Variants in KIAA1210 observed in about 807,000 individuals in gnomAD.
KIAA1210 encodes acrosomal protein KIAA1210.
In KIAA1210, 48 loss-of-function variants were observed where a neutral mutation model predicts 78.9. The ratio of observed to expected loss-of-function variants is 0.61; its 90% confidence interval spans 0.48 to 0.77. KIAA1210 has a LOEUF of 0.77. Among genes scored for constraint, KIAA1210 ranks in the 30% least tolerant of loss-of-function variants. The pLI, the probability that KIAA1210 is intolerant of heterozygous loss-of-function variation, is 0.00. For synonymous variants in KIAA1210, 406 were observed against 404.5 expected, an observed-to-expected ratio of 1.00 and a Z score of -0.04; for missense variants, 1,108 against 1,100.0, an observed-to-expected ratio of 1.01 and a Z score of -0.10.
intron 2 of KIAA1210, among the ~76,000 whole-genome samples, chrX:119,122,321 C>T (rs1053973378): frequency 3.7e-5 from 4 of 108,294 alleles, no homozygotes; most frequent in East Asian, 3.0e-4. Context: ...CCAGCCACCT[C>T]GGCCTCCCAA....
intron 1 of KIAA1210, among the ~76,000 whole-genome samples, chrX:119,148,189 G>A (rs1244985025): frequency 9.0e-6 from 1 of 111,197 alleles, no homozygotes; most frequent in Non-Finnish European, 1.9e-5. Flanking sequence ...TTTGCCTTAG[G>A]CTGAATTGAC....
In KIAA1210 at chrX:119,104,974, C is replaced by T; in HGVS notation, c.648+18G>A. 1 of 1,199,397 alleles carries T rather than the reference C, an allele frequency of 8.3e-7. No individual in the cohort carries two copies. The highest frequency in any genetic ancestry group is 1.1e-6 in the Non-Finnish European group (1 of 889,077). ...TGATCTGTGAGGCCCCTCAACCTGT[C>T]CCTTAATATATACTCACCTGAGTCG... is the stretch of plus-strand genomic sequence containing the variant. On this transcript the variant is annotated intron_variant, in intron 6 of 11. Transcript: ENST00000691062.
chrX:119,093,042 A>G (rs1927435718), intron 8 of KIAA1210, among the ~76,000 whole-genome samples: 1 of 111,499 alleles, frequency 9.0e-6, no homozygotes, highest in Non-Finnish European at 1.9e-5. Context: ...AACTGGAGCC[A>G]ACATCCACAT....
chrX:119,093,967 C>T (rs772978122), intron 7 of KIAA1210, 192 bp from the exon 8 acceptor site: 1 of 1,053,729 alleles, frequency 9.5e-7, no homozygotes, highest in East Asian at 3.0e-5. Flanking sequence ...ACCAAGAGAT[C>T]CTTGGGGATC....
At chrX:119,125,735 A>ATATATTTTTTT (rs5903546) in intron 1 of KIAA1210, among the ~76,000 whole-genome samples, 2 of 15,806 alleles carry the variant, frequency 1.3e-4, no homozygotes, top group African/African-American at 5.2e-4. Context: ...ATATATATAT[A>ATATATTTTTTT]TTTTTTTTTT....
At chrX:119,093,621 G>A in intron 8 of KIAA1210, 46 bp downstream of exon 8, 1 of 989,194 alleles carries the variant, frequency 1.0e-6, no homozygotes, top group Non-Finnish European at 1.4e-6. Context: ...ACTGTGCAAT[G>A]AAGTCTGTCA....
intron 6 of KIAA1210, among the ~76,000 whole-genome samples, chrX:119,099,184 C>A (rs1927656083): frequency 1.8e-5 from 2 of 112,776 alleles, no homozygotes; most frequent in Non-Finnish European, 3.7e-5. Flanking sequence ...AAAGAACTTT[C>A]AATTCAGTTG....
chrX:119,129,728 C>T (rs1404994135), upstream of KIAA1210, among the ~76,000 whole-genome samples: 3 of 111,488 alleles, frequency 2.7e-5, no homozygotes, highest in Admixed American at 9.6e-5. Flanking sequence ...ATCCTAGCCA[C>T]GTGAACCGTG....
At chrX:119,130,847 G>A (rs1394626549), upstream of KIAA1210, among the ~76,000 whole-genome samples, 2 of 111,905 alleles carry the variant, frequency 1.8e-5, no homozygotes, top group African/African-American at 3.2e-5. Context: ...ATCGAGTCTC[G>A]TTATCAAGTC....
chrX:119,081,723 CT>C (rs1378527368), intron 11 of KIAA1210, among the ~76,000 whole-genome samples: 1 of 112,187 alleles, frequency 8.9e-6, no homozygotes, highest in Non-Finnish European at 1.9e-5. Flanking sequence ...ATCAACTTGG[CT>C]ATGGCCACAG....
intron 3 of KIAA1210, among the ~76,000 whole-genome samples, chrX:119,109,437 T>A (rs184304421): frequency 3.0e-4 from 34 of 111,823 alleles, no homozygotes; most frequent in Middle Eastern, 4.6e-3. Flanking sequence ...TAGAAGGATA[T>A]CCACAAATTG....
intron 2 of KIAA1210, among the ~76,000 whole-genome samples, chrX:119,139,435 T>C (rs762531913): frequency 9.0e-6 from 1 of 111,282 alleles, no homozygotes; most frequent in East Asian, 2.8e-4. Flanking sequence ...ACTATTCGGG[T>C]GTTGGGTGCA....
intron 6 of KIAA1210, 35 bp downstream of exon 6, chrX:119,104,957 G>A: frequency 8.6e-7 from 1 of 1,168,974 alleles, no homozygotes; most frequent in African/African-American, 1.8e-5. Flanking sequence ...TCTGATCTGT[G>A]AGGCCCCTCA....
Position 119,089,572 on chromosome X carries a change from T to C in KIAA1210, c.1130A>G (p.Lys377Arg). ...SVSGLSGCEF[K>R]GRSLKQSSEG... ...ACTGGATTGTTTAAGGCTTCTTCCT[T>C]TGAATTCACACCCACTCAATCCTGA... Residue 377 changes from lysine to arginine, a missense_variant, in exon 9 of 12, where the codon AAA (lysine) becomes AGA (arginine). Lys to Arg is a conservative substitution (Grantham distance 26, BLOSUM62 2). Coordinates refer to ENST00000691062, the MANE Select transcript of KIAA1210 (RefSeq NM_001394962.1). 1.7e-6 allele frequency: 2 copies of C among 1,211,669 alleles called. No homozygotes were observed. Among genetic ancestry groups the C allele is most frequent in the Non-Finnish European group, 2.2e-6 (2 of 895,434 alleles).
At chrX:119,108,510 T>C in intron 4 of KIAA1210, 39 bp from the exon 5 acceptor site, 1 of 1,184,767 alleles carries the variant, frequency 8.4e-7, no homozygotes, top group Non-Finnish European at 1.1e-6. Context: ...AGGATTGGTA[T>C]GCCAGCACAT....
chrX:119,139,969 TA>T (rs1348959265), intron 2 of KIAA1210, among the ~76,000 whole-genome samples: 1 of 111,634 alleles, frequency 9.0e-6, no homozygotes, highest in Non-Finnish European at 1.9e-5. Context: ...TTTACTCCCC[TA>T]AGGAGTAAGG....
intron 1 of KIAA1210, among the ~76,000 whole-genome samples, chrX:119,148,014 C>T (rs1420805157): frequency 9.0e-6 from 1 of 110,830 alleles, no homozygotes; most frequent in Non-Finnish European, 1.9e-5. Flanking sequence ...GTGGTAGACA[C>T]CTGTAGTCCC....
chrX:119,107,066 GT>G (rs1569317405), intron 5 of KIAA1210, among the ~76,000 whole-genome samples: 1 of 111,928 alleles, frequency 8.9e-6, no homozygotes, highest in Non-Finnish European at 1.9e-5. Flanking sequence ...CCATGCAAAG[GT>G]CAGGTTGGTT....
At chrX:119,083,537 T>C (rs1927032507) in intron 10 of KIAA1210, among the ~76,000 whole-genome samples, 1 of 112,533 alleles carries the variant, frequency 8.9e-6, no homozygotes, top group Non-Finnish European at 1.9e-5. Flanking sequence ...AGATTTCTAC[T>C]TTTCAAAACT....
Sources: allele counts gnomAD v4.1 joint callset (sites outside exome capture counted in the v4.1 genomes callset), GRCh38; gene constraint gnomAD v4.1.1; transcripts MANE v1.5; gene names NCBI Gene and HGNC (gene_info 2026-07-23, HGNC 2026-07-21).